The following FGD5 variants were observed in gnomAD, a reference collection of about 807,000 sequenced individuals.
FGD5 encodes the protein FYVE, RhoGEF and PH domain-containing protein 5.
A neutral mutation model predicts 133.4 loss-of-function variants in FGD5; 28 were observed. The observed-to-expected ratio is 0.21, with a 90% confidence interval of 0.16 to 0.29. The LOEUF (loss-of-function observed/expected upper bound fraction) is 0.29. FGD5 is among the 10% of genes least tolerant of loss of function. The pLI, the probability that FGD5 is intolerant of heterozygous loss-of-function variation, is 1.00. For synonymous variants in FGD5, 810 were observed against 776.5 expected, an observed-to-expected ratio of 1.04 and a Z score of -0.72; for missense variants, 1,858 against 1,895.2, an observed-to-expected ratio of 0.98 and a Z score of 0.36.
intron 9 of FGD5, among the ~76,000 whole-genome samples, chr3:14,901,761 A>G (rs1228083762): frequency 6.6e-6 from 1 of 152,236 alleles, no homozygotes; most frequent in Non-Finnish European, 1.5e-5. Context: ...GCAGAGACAC[A>G]GTGAGTCATC....
chr3:14,880,221 G>A (rs1274081806), intron 2 of FGD5, among the ~76,000 whole-genome samples: 2 of 152,062 alleles, frequency 1.3e-5, no homozygotes, highest in African/African-American at 4.8e-5. Context: ...AGGTGTGGTG[G>A]TACATACCTA....
intron 4 of FGD5, among the ~76,000 whole-genome samples, chr3:14,886,387 CA>C (rs1370985819): frequency 3.3e-5 from 5 of 152,194 alleles, no homozygotes; most frequent in African/African-American, 1.2e-4. Flanking sequence ...GCTGAAGGGG[CA>C]GCACGCACCC....
At chr3:14,897,194 T>G (rs1575240461) in intron 4 of FGD5, 1 of 309,388 alleles carries the variant, frequency 3.2e-6, no homozygotes, top group East Asian at 8.0e-5. Context: ...ACCCAATCTC[T>G]CCCCTATCTT....
chr3:14,874,006 G>A (rs952381873), intron 2 of FGD5, among the ~76,000 whole-genome samples: 4 of 140,038 alleles, frequency 2.9e-5, no homozygotes, highest in African/African-American at 7.9e-5. Flanking sequence ...ACAGGTGTGA[G>A]CCACTGCGCC....
chr3:14,880,528 C>T lies in FGD5; in HGVS notation c.2659-44C>T, dbSNP rs761573105. 1.3e-5 allele frequency: 21 copies of T among 1,600,504 alleles called. No homozygotes were observed. The Admixed American group carries it at 2.5e-4, about 19-fold the overall frequency. On this transcript the variant is annotated intron_variant, in intron 2 of 19. Coordinates refer to ENST00000285046, the MANE Select transcript of FGD5 (RefSeq NM_152536.4). ...GCAGCATGGTGGCCTCCTCTAGAAA[C>T]CACTGATGCCTGTCCCACCTGATTG...
chr3:14,848,968 T>C (rs995090885), intron 1 of FGD5, among the ~76,000 whole-genome samples: 2 of 152,030 alleles, frequency 1.3e-5, no homozygotes, highest in East Asian at 3.8e-4. Context: ...ATTTATAGGG[T>C]TTAGAGCCCT....
Position 14,897,895 on chromosome 3 carries a change from A to G in FGD5, c.2910-44A>G, listed in dbSNP as rs201690746. On this transcript the variant is annotated intron_variant, in intron 5 of 19. Transcript: ENST00000285046. ...CCCTGCTTCTAACCCTGCGTTGGTT[A>G]CAAGGCTGAGTTCTCACTGTCCCAT... is the stretch of plus-strand genomic sequence containing the variant. 4 of 1,612,054 alleles carry G rather than the reference A, an allele frequency of 2.5e-6. No individual in the cohort carries two copies. In the Admixed American group the frequency reaches 6.7e-5, roughly 27 times the overall value.
intron 1 of FGD5, among the ~76,000 whole-genome samples, chr3:14,835,024 G>T (rs1171535436): frequency 6.6e-6 from 1 of 152,194 alleles, no homozygotes; most frequent in African/African-American, 2.4e-5. Context: ...ACATCACATG[G>T]CAGAGGAGGC....
intron 1 of FGD5, among the ~76,000 whole-genome samples, chr3:14,857,238 C>G (rs192583553): frequency 5.9e-5 from 9 of 151,996 alleles, no homozygotes; most frequent in African/African-American, 1.9e-4. Flanking sequence ...CAGCCTCCAC[C>G]CCCCCAGGCT....
At chr3:14,914,713 A>G (rs1023087553) in intron 11 of FGD5, among the ~76,000 whole-genome samples, 1 of 152,196 alleles carries the variant, frequency 6.6e-6, no homozygotes, top group South Asian at 2.1e-4. Flanking sequence ...TCATCAAGCC[A>G]TACCCCTGGC....
intron 4 of FGD5, among the ~76,000 whole-genome samples, chr3:14,890,422 G>T (rs764740069): frequency 6.6e-6 from 1 of 152,172 alleles, no homozygotes; most frequent in African/African-American, 2.4e-5. Context: ...TCCGGGCTTG[G>T]TGCAGAGCAG....
chr3:14,897,959 C>T lies in FGD5; in HGVS notation c.2930C>T (p.Ala977Val), dbSNP rs1224237910. 4 of 1,613,798 alleles carry T rather than the reference C, an allele frequency of 2.5e-6. No homozygotes were observed. Among genetic ancestry groups the T allele is most frequent in the African/African-American group, 1.3e-5 (1 of 74,884 alleles). ...LSNWESQQKV[A>V]DVFLAREQGF... ...TGCAGGGAGAGCCAGCAGAAGGTAG[C>T]TGACGTCTTCCTGGCCCGGGAGCAG... The change falls in exon 6 of 20, where the codon GCT becomes GTT. Residue 977 changes from alanine (A) to valine (V), a missense_variant. Physicochemically the swap from Ala to Val is moderately conservative, Grantham distance 64. Coordinates refer to ENST00000285046, the MANE Select transcript of FGD5 (RefSeq NM_152536.4).
In FGD5 at chr3:14,876,521, A is replaced by AAAATAAAT. The variant is rs529307518; in HGVS notation, c.2659-4031_2659-4024dup. 5.6e-4 allele frequency among the ~76,000 whole-genome samples: 86 copies of AAAATAAAT among 152,242 alleles called. 1 individual carries two copies. In the South Asian group the frequency reaches 0.018, roughly 31 times the overall value. On this transcript the variant is annotated intron_variant, in intron 2 of 19. Transcript: ENST00000285046. ...TAATACAAGTAGCACTTTTATGCAA[A>AAAATAAAT]AAATAAATAAATAAATAAATAAATA...
chr3:14,824,854 A>G (rs1175740771), intron 1 of FGD5, among the ~76,000 whole-genome samples: 1 of 152,196 alleles, frequency 6.6e-6, no homozygotes, highest in Non-Finnish European at 1.5e-5. Flanking sequence ...GTAAAACAAC[A>G]TGGGTAAAGA....
At position 14,933,342 on chromosome 3, in the gene FGD5, T is replaced by G; in HGVS notation, c.*175T>G. 1.5e-6 allele frequency: 1 copy of G among 682,384 alleles called. No individual in the cohort carries two copies. The highest frequency in any genetic ancestry group is 2.6e-6 in the Non-Finnish European group (1 of 383,574). 42.3% of individuals were successfully genotyped at this position (682,384 alleles called of 1,614,324 possible). A position where few individuals can be genotyped will look rare whatever the true frequency, so the allele number is the denominator to read the frequency against. ...CTGCCCTTGCCAACATCTTCATGAA[T>G]GGAATCCTTAAGGGATATTTATGGA... On this transcript the variant is annotated 3_prime_UTR_variant, in exon 20 of 20. Coordinates refer to ENST00000285046, the MANE Select transcript of FGD5 (RefSeq NM_152536.4).
intron 2 of FGD5, among the ~76,000 whole-genome samples, chr3:14,870,654 C>T (rs569799431): frequency 4.6e-5 from 7 of 152,302 alleles, no homozygotes; most frequent in Admixed American, 2.6e-4. Context: ...CCCTCTTCGC[C>T]GGCAGCCCGT....
chr3:14,926,292 G>A (rs554317659), intron 18 of FGD5, 94 bp downstream of exon 18: 2 of 1,533,440 alleles, frequency 1.3e-6, no homozygotes, highest in African/African-American at 1.4e-5. Context: ...AGCTGTGTGA[G>A]TCCTGGCTGC....
chr3:14,868,281 C>G (rs1486221513), intron 2 of FGD5, among the ~76,000 whole-genome samples: 2 of 152,066 alleles, frequency 1.3e-5, no homozygotes, highest in South Asian at 2.1e-4. Flanking sequence ...CCCCCTCCCC[C>G]ACCTGAGTCT....
intron 18 of FGD5, among the ~76,000 whole-genome samples, chr3:14,928,274 A>G (rs1327298820): frequency 6.6e-6 from 1 of 151,712 alleles, no homozygotes; most frequent in African/African-American, 2.4e-5. Flanking sequence ...GTCTCACTAT[A>G]TTGCTCAGGC....
Sources: gnomAD v4.1 joint callset for allele counts (sites outside exome capture counted in the v4.1 genomes callset) on GRCh38, gnomAD v4.1.1 for gene constraint, MANE v1.5 for transcripts, NCBI Gene and HGNC (gene_info 2026-07-23, HGNC 2026-07-21) for gene names.